SEPTIN5: variants seen among roughly 807,000 people sequenced by gnomAD.
SEPTIN5 encodes septin-5.
Under a neutral mutation model 51.2 loss-of-function variants are expected in SEPTIN5, and 16 were observed. The observed-to-expected ratio is 0.31, with a 90% CI of 0.21 to 0.47. The LOEUF is 0.47. Ranked by LOEUF, SEPTIN5 falls within the 20% of genes least tolerant of loss-of-function variation. SEPTIN5 has a pLI of 0.99. For synonymous variants in SEPTIN5, 208 were observed against 191.2 expected (o/e 1.09, Z -0.72); for missense variants, 376 against 500.3 (o/e 0.75, Z 2.37).
Position 19,719,877 on chromosome 22 carries a change from C to G in SEPTIN5, c.223C>G (p.Leu75Val). The G allele has an allele frequency of 1.2e-6, 2 of 1,612,878 alleles. No homozygotes were observed. The highest frequency in any genetic ancestry group is 2.2e-5 in the South Asian group (2 of 91,076). The change falls in exon 4 of 12, where the codon CTG (leucine) becomes GTG (valine). Residue 75 changes from leucine to valine, a missense_variant. Leu to Val is a conservative substitution (Grantham distance 32). Around this residue, in one of 2 missense-constraint regions of SEPTIN5, gnomAD observed 287 missense variants for 417.1 expected, o/e 0.69. Coordinates refer to ENST00000455784, the MANE Select transcript of SEPTIN5 (RefSeq NM_002688.6). Reference sequence around the variant, plus strand: ...GACAGACTTGTACAAGGACCGGAAGCTGCTCAGTGCTGAGGGTGAGTGGCC... The same window carrying G: ...GACAGACTTGTACAAGGACCGGAAGGTGCTCAGTGCTGAGGGTGAGTGGCC... ...FLTDLYKDRK[L>V]LSAEERISQT...
At chr22:19,717,943 C>G (rs540758809) in intron 2 of SEPTIN5, 2 of 156,918 alleles carry the variant, frequency 1.3e-5, no homozygotes, top group African/African-American at 4.8e-5. Flanking sequence ...CGCACGCACG[C>G]ACGGGGGAGG....
chr22:19,716,151 C>T (rs923717488), intron 2 of SEPTIN5, among the ~76,000 whole-genome samples: 3 of 152,188 alleles, frequency 2.0e-5, no homozygotes, highest in African/African-American at 4.8e-5. Flanking sequence ...CCACCTCACC[C>T]CATCCCAGGC....
chr22:19,720,910 T>A, intron 8 of SEPTIN5, 41 bp downstream of exon 8: 1 of 1,550,668 alleles, frequency 6.4e-7, no homozygotes, highest in Non-Finnish European at 8.9e-7. Flanking sequence ...ATGGAGCTGG[T>A]GAGGGGCAGA....
Position 19,720,604 on chromosome 22 carries a change from G to A in SEPTIN5, c.553G>A (p.Val185Met), listed in dbSNP as rs761583099. 3 of 1,612,982 alleles carry A rather than the reference G, an allele frequency of 1.9e-6. No individual in the cohort carries two copies. The highest frequency in any genetic ancestry group is 1.3e-5 in the African/African-American group (1 of 75,050). The change falls in exon 7 of 12, where the codon GTG (valine) becomes ATG (methionine). Residue 185 changes from valine (V) to methionine (M), a missense_variant. Val to Met is a conservative substitution (Grantham distance 21). Around this residue, in one of 2 missense-constraint regions of SEPTIN5, gnomAD observed 287 missense variants for 417.1 expected, o/e 0.69. Transcript: ENST00000455784. ...MKALHEKVNI[V>M]PLIAKADCLV... ...GGCATTGCATGAGAAGGTCAACATC[G>A]TGCCTCTCATCGCCAAAGCTGACTG...
chr22:19,719,545 G>A, intron 2 of SEPTIN5, 57 bp from the exon 3 acceptor site: 2 of 1,388,498 alleles, frequency 1.4e-6, no homozygotes, highest in Non-Finnish European at 2.0e-6. Flanking sequence ...TAAGAGACAG[G>A]GTATTGGGCT....
In SEPTIN5 at chr22:19,714,834, C is replaced by T. The variant is rs747438976; in HGVS notation, c.54+43C>T. 13 of 1,588,384 alleles carry T rather than the reference C, an allele frequency of 8.2e-6. No homozygotes were observed. Among genetic ancestry groups the T allele is most frequent in the Non-Finnish European group, 1.0e-5 (12 of 1,174,128 alleles). On this transcript the variant is annotated intron_variant, in intron 2 of 11. Coordinates refer to ENST00000455784, the MANE Select transcript of SEPTIN5 (RefSeq NM_002688.6). The surrounding 1 kb of genome is among the most constrained non-coding windows in gnomAD (Gnocchi z 5.2). ...CTCCCCCGCCGGGAGACCCGGCCGG[C>T]TGTCACCCATTGTGACACTAGCGCC...
chr22:19,722,727 C>T lies in SEPTIN5; in HGVS notation c.*243C>T, dbSNP rs1428797768. On this transcript the variant is annotated 3_prime_UTR_variant, in exon 12 of 12. Transcript: ENST00000455784. ...GAAGTTGGGCGGGACTTCAGAGATC[C>T]GCCTCCCTTGCCCTTCCCCCGCCCC... 3 of 574,492 alleles carry T rather than the reference C, an allele frequency of 5.2e-6. No homozygotes were observed. The allele number at this position is 574,492 out of a possible 1,614,324, so 35.6% of individuals were successfully genotyped here.
chr22:19,722,009 C>T (rs764863479), intron 10 of SEPTIN5, 52 bp downstream of exon 10: 4 of 1,570,940 alleles, frequency 2.5e-6, no homozygotes, highest in Non-Finnish European at 3.5e-6. Flanking sequence ...CCGCCCACGT[C>T]TCCATAACTG....
chr22:19,717,641 C>G (rs540404512), intron 2 of SEPTIN5: 209 of 293,782 alleles, frequency 7.1e-4, no homozygotes, highest in African/African-American at 4.5e-3. Context: ...GCAGCCTGCA[C>G]CCTTCCTTTC....
At chr22:19,718,562 G>T (rs2145787559) in intron 2 of SEPTIN5, 19 of 1,288,924 alleles carry the variant, frequency 1.5e-5, no homozygotes, top group East Asian at 2.8e-5. Context: ...GGGGGTCGAC[G>T]ATCCCCCGGG....
chr22:19,718,484 C>A, intron 2 of SEPTIN5: 1 of 1,189,758 alleles, frequency 8.4e-7, no homozygotes, highest in African/African-American at 1.6e-5. Context: ...GCGGGGCCTG[C>A]CCGGACTGCG....
At chr22:19,715,602 A>T (rs1413987104) in intron 2 of SEPTIN5, among the ~76,000 whole-genome samples, 2 of 152,212 alleles carry the variant, frequency 1.3e-5, no homozygotes, top group African/African-American at 4.8e-5. Flanking sequence ...GGAGGAAAAA[A>T]GAAGAGCCCA....
chr22:19,722,212 C>CCCAACA, intron 10 of SEPTIN5, 25 bp from the exon 11 acceptor site: 1 of 1,466,358 alleles, frequency 6.8e-7, no homozygotes, highest in Non-Finnish European at 9.3e-7. Flanking sequence ...GCCGCCCCGC[C>CCCAACA]CATCCTCCCC....
At chr22:19,717,505 C>A in intron 2 of SEPTIN5, 1 of 360,698 alleles carries the variant, frequency 2.8e-6, no homozygotes, top group Non-Finnish European at 5.6e-6. Flanking sequence ...TGGGTCCCAT[C>A]CCACCCCCAC....
rs954176587 is a variant in SEPTIN5 at position 19,720,675 on chromosome 22, G to A, written c.615+9G>A. On this transcript the variant is annotated intron_variant, in intron 7 of 11. Transcript: ENST00000455784. ...GGAAGCTGAAGGAGCGGGTGAGCCT[G>A]CCGTCGCACAGGGGCCTGGCCAGGG... The A allele has an allele frequency of 6.2e-7, 1 of 1,612,940 alleles. No individual in the cohort carries two copies. The highest frequency in any genetic ancestry group is 1.3e-5 in the African/African-American group (1 of 75,060).
rs778503191 is a variant in SEPTIN5 at position 19,720,206 on chromosome 22, G to A, written c.330G>A (p.Pro110=). ...VKLKLTIVDT[P]GFGDAVNNTE... ...TGAAGCTCACCATCGTGGACACGCCGGGATTCGGGGACGCTGTCAACAACA... is the reference window on the plus strand; with the variant it reads ...TGAAGCTCACCATCGTGGACACGCCAGGATTCGGGGACGCTGTCAACAACA... The change falls in exon 5 of 12, where the codon CCG becomes CCA. Residue 110 remains proline, a synonymous_variant. Transcript: ENST00000455784. 7.4e-6 allele frequency: 12 copies of A among 1,613,426 alleles called. No individual in the cohort carries two copies. The highest frequency in any genetic ancestry group is 2.7e-5 in the African/African-American group (2 of 74,932).
In SEPTIN5 at chr22:19,714,553, C is replaced by G; in HGVS notation, c.-36C>G. 1 of 1,349,408 alleles carries G rather than the reference C, an allele frequency of 7.4e-7. No homozygotes were observed. Among genetic ancestry groups the G allele is most frequent in the African/African-American group, 1.5e-5 (1 of 64,898 alleles). The allele number at this position is 1,349,408 out of a possible 1,614,324, so 83.6% of individuals were successfully genotyped here. On this transcript the variant is annotated 5_prime_UTR_variant, in exon 1 of 12. Transcript: ENST00000455784. This position sits in a 1 kb window ranked among gnomAD's most constrained non-coding sequence, Gnocchi z 5.2. ...GCCGCTTGTCGTCGCGCCCCGCCCGCGAGCCCGCCCCGCACGTCCCCCGCC... is the reference window on the plus strand; with the variant it reads ...GCCGCTTGTCGTCGCGCCCCGCCCGGGAGCCCGCCCCGCACGTCCCCCGCC...
At position 19,720,188 on chromosome 22, in the gene SEPTIN5, C is replaced by T. The variant is rs542056889; in HGVS notation, c.312C>T (p.Leu104=). Residue 104 remains leucine (L), a synonymous_variant, in exon 5 of 12, where the codon CTC becomes CTT. Transcript: ENST00000455784. ...AGGAGAAGGGAGTCAAGCTGAAGCT[C>T]ACCATCGTGGACACGCCGGGATTCG... The part of the protein sequence containing the change: ...DIEEKGVKLK[L]TIVDTPGFGD... 3.7e-6 allele frequency: 6 copies of T among 1,613,580 alleles called. 1 individual carries two copies. In the South Asian group the frequency reaches 5.5e-5, roughly 15 times the overall value.
In SEPTIN5 at chr22:19,719,506, C is replaced by T. The variant is rs1380582505; in HGVS notation, c.55-96C>T. The T allele has an allele frequency of 9.1e-6, 9 of 988,486 alleles. No homozygotes were observed. In the East Asian group the frequency reaches 2.1e-4, roughly 23 times the overall value. 61.2% of individuals were successfully genotyped at this position (988,486 alleles called of 1,614,324 possible). ...AAATGCCCCACCCTGGGAACCGTAC[C>T]CTCTGCTGTCTCCTCATACCGCATT... On this transcript the variant is annotated intron_variant, in intron 2 of 11. Transcript: ENST00000455784.
Sources: gnomAD v4.1 joint callset for allele counts (sites outside exome capture counted in the v4.1 genomes callset) on GRCh38, gnomAD v4.1.1 for gene constraint, gnomAD v4.1.1 regional missense constraint, Gnocchi (gnomAD v3.1) non-coding constraint, MANE v1.5 for transcripts, NCBI Gene and HGNC (gene_info 2026-07-23, HGNC 2026-07-21) for gene names.